TUBGCP2: variants seen among roughly 807,000 people sequenced by gnomAD.
The protein encoded by TUBGCP2 is tubulin gamma complex component 2, also known as gamma-tubulin complex component 2.
Under a neutral mutation model 92.2 loss-of-function variants are expected in TUBGCP2, and 55 were observed. The ratio of observed to expected loss-of-function variants is 0.60; its 90% CI spans 0.48 to 0.75. TUBGCP2 has a LOEUF of 0.75. Ranked by LOEUF, TUBGCP2 falls within the 30% of genes least tolerant of loss-of-function variation. The pLI, the probability that TUBGCP2 is intolerant of heterozygous loss-of-function variation, is 0.00. For synonymous variants in TUBGCP2, 533 were observed against 505.2 expected (o/e 1.06, Z -0.74); for missense variants, 1,093 against 1,188.9 (o/e 0.92, Z 1.19).
At position 133,288,318 on chromosome 10, in the gene TUBGCP2, G is replaced by A. The variant is rs1847184424; in HGVS notation, c.1542-9C>T. The A allele has an allele frequency of 6.2e-7, 1 of 1,612,390 alleles. No homozygotes were observed. The highest frequency in any genetic ancestry group is 1.1e-5 in the South Asian group (1 of 91,016). On this transcript the variant is annotated splice_polypyrimidine_tract_variant and intron_variant, in intron 10 of 17. Coordinates refer to ENST00000252936, the MANE Select transcript of TUBGCP2 (RefSeq NM_006659.4). ...AGTAGCGCTTGATGGACCTGCGCCA[G>A]GGAGCAGGCGTGAGCAGGTGCCCAC...
At chr10:133,296,540 C>T (rs1000047859) in intron 5 of TUBGCP2, among the ~76,000 whole-genome samples, 14 of 151,938 alleles carry the variant, frequency 9.2e-5, no homozygotes, top group African/African-American at 3.1e-4. Context: ...TGCAGTGGCA[C>T]GATCACAGCT....
rs72864786 is a variant in TUBGCP2 at position 133,283,018 on chromosome 10, C to T, written c.2289+60G>A. The T allele has an allele frequency of 8.6e-3, 13,768 of 1,598,560 alleles. 93 individuals carry two copies. Among genetic ancestry groups the T allele is most frequent in the Non-Finnish European group, 9.4e-3 (10,999 of 1,169,340 alleles). On this transcript the variant is annotated intron_variant, in intron 15 of 17. Coordinates refer to ENST00000252936, the MANE Select transcript of TUBGCP2 (RefSeq NM_006659.4). ...TGAGCAGGCTGCGTGCGGCCACGGT[C>T]GGGACATGGTCTGCCCACCCGCGCC...
rs150486916 is a variant in TUBGCP2, at chr10:133,299,657, A to AG, written c.280-55dup. On this transcript the variant is annotated intron_variant, in intron 3 of 17. Coordinates refer to ENST00000252936, the MANE Select transcript of TUBGCP2 (RefSeq NM_006659.4). ...ACTGGGCCAGCACCTCTTTGGCCAT[A>AG]GGGGGAGAGTAGGGACGACACCACC... is the stretch of plus-strand genomic sequence containing the variant. 4.1e-3 allele frequency: 6,062 copies of AG among 1,481,144 alleles called. 32 individuals carry two copies. Among genetic ancestry groups the AG allele is most frequent in the Middle Eastern group, 0.024 (131 of 5,554 alleles). The allele number at this position is 1,481,144 out of a possible 1,614,324, so 91.8% of individuals were successfully genotyped here.
intron 9 of TUBGCP2, 82 bp from the exon 10 acceptor site, chr10:133,289,102 T>C: frequency 6.7e-7 from 1 of 1,483,228 alleles, no homozygotes; most frequent in Non-Finnish European, 9.1e-7. Flanking sequence ...CAGGAGGCAG[T>C]GGAATGGACA....
rs1024603697 is a variant in TUBGCP2, at chr10:133,293,745, T to A, written c.641A>T (p.Glu214Val). 6.3e-6 allele frequency: 10 copies of A among 1,596,162 alleles called. No homozygotes were observed. Among genetic ancestry groups the A allele is most frequent in the Non-Finnish European group, 8.5e-6 (10 of 1,172,508 alleles). The change falls in exon 6 of 18, where the codon GAG (glutamate) becomes GTG (valine). Residue 214 changes from glutamate (E) to valine (V), a missense_variant. Coordinates refer to ENST00000252936, the MANE Select transcript of TUBGCP2 (RefSeq NM_006659.4). ...CAGCAGGTCCTCCACCACGGCCGAC[T>A]CCTGCGAGGCCAGGGGCAACGTGCC... ...PIGTLPLASQ[E>V]SAVVEDLLYV...
At position 133,292,962 on chromosome 10, in the gene TUBGCP2, A is replaced by T. The variant is rs1847396002; in HGVS notation, c.1024+77T>A. On this transcript the variant is annotated intron_variant, in intron 7 of 17. Transcript: ENST00000252936. ...GGCAGCTGCTCCACGGCCCCTGCAG[A>T]GTCTCTCCTCACACTGGGTGCCATG... 4.0e-6 allele frequency: 6 copies of T among 1,508,772 alleles called. No individual in the cohort carries two copies. The South Asian group carries it at 7.1e-5, about 18-fold the overall frequency. 93.5% of individuals were successfully genotyped at this position (1,508,772 alleles called of 1,614,324 possible).
intron 17 of TUBGCP2, among the ~76,000 whole-genome samples, chr10:133,280,812 T>TGAGGAAGGGCTGAGCC (rs1846948170): frequency 6.8e-6 from 1 of 148,074 alleles, no homozygotes; most frequent in Non-Finnish European, 1.5e-5. Context: ...TGGGCTGAGC[T>TGAGGAAGGGCTGAGCC]GAGGAAGGGC....
chr10:133,289,572 G>A (rs571622319), intron 9 of TUBGCP2, among the ~76,000 whole-genome samples: 80 of 152,282 alleles, frequency 5.3e-4, no homozygotes, highest in South Asian at 1.9e-3. Context: ...AGAGAGCCTC[G>A]CAGGGTCAGG....
chr10:133,309,996 G>A (rs995625127), upstream of TUBGCP2: 6 of 1,611,620 alleles, frequency 3.7e-6, no homozygotes, highest in African/African-American at 5.3e-5. Context: ...CAACTGCACA[G>A]CCGCCGAGGC....
chr10:133,293,034 C>G lies in TUBGCP2; in HGVS notation c.1024+5G>C, dbSNP rs772955395. The G allele has an allele frequency of 6.2e-7, 1 of 1,612,248 alleles. No individual in the cohort carries two copies. Among genetic ancestry groups the G allele is most frequent in the South Asian group, 1.1e-5 (1 of 91,022 alleles). ...CTGCCCCATGCCCCCCGGGCGGGCACGCACCGAGGGAGGCCAGGATGTCCA... is the reference window on the plus strand; with the variant it reads ...CTGCCCCATGCCCCCCGGGCGGGCAGGCACCGAGGGAGGCCAGGATGTCCA... On this transcript the variant is annotated splice_donor_5th_base_variant and intron_variant, in intron 7 of 17. Transcript: ENST00000252936.
At chr10:133,291,836 A>G (rs1032673607) in intron 8 of TUBGCP2, among the ~76,000 whole-genome samples, 174 of 3,126 alleles carry the variant, frequency 0.056, 9 homozygotes, top group African/African-American at 0.15. Flanking sequence ...CGTGTCCCCC[A>G]TGTCCCTCCG....
In TUBGCP2 at chr10:133,291,093, C is replaced by G. The variant is rs564372219; in HGVS notation, c.1215-1124G>C. 6.3e-5 allele frequency: 17 copies of G among 269,660 alleles called. 1 individual carries two copies. In the East Asian group the frequency reaches 9.3e-4, roughly 15 times the overall value. 16.7% of individuals were successfully genotyped at this position (269,660 alleles called of 1,614,324 possible). On this transcript the variant is annotated intron_variant, in intron 8 of 17. Coordinates refer to ENST00000252936, the MANE Select transcript of TUBGCP2 (RefSeq NM_006659.4). ...ACCTAATTGGAGGCAATTTAATGTCCTGCACACAAAAGAATAAGGCCATAA... is the reference window on the plus strand; with the variant it reads ...ACCTAATTGGAGGCAATTTAATGTCGTGCACACAAAAGAATAAGGCCATAA...
Position 133,285,200 on chromosome 10 carries a change from G to A in TUBGCP2, c.1909C>T (p.Arg637Cys), listed in dbSNP as rs757783441. The A allele has an allele frequency of 2.2e-5, 35 of 1,612,588 alleles. No individual in the cohort carries two copies. The highest frequency in any genetic ancestry group is 1.3e-4 in the East Asian group (6 of 44,898). ...ATGTGCCTGAAGAGCATCTGGTAGC[G>A]AGTGAGGGCTTTCCTGCAAGAGACG... The part of the protein sequence containing the change: ...SLIINRKALT[R>C]YQMLFRHMFY... Residue 637 changes from arginine to cysteine, a missense_variant, in exon 13 of 18, where the codon CGC (arginine) becomes TGC (cysteine). Arg to Cys is a radical substitution (Grantham distance 180, BLOSUM62 -3). Transcript: ENST00000252936. The surrounding 1 kb of genome is among the most constrained non-coding windows in gnomAD (Gnocchi z 6.8).
chr10:133,304,938 C>T (rs1195055135), intron 1 of TUBGCP2, among the ~76,000 whole-genome samples: 1 of 152,254 alleles, frequency 6.6e-6, no homozygotes, highest in South Asian at 2.1e-4. Flanking sequence ...TGGGAAGATG[C>T]CCCTTGCCAA....
At chr10:133,303,117 C>T (rs1847715588) in intron 1 of TUBGCP2, 137 bp from the exon 2 acceptor site, 1 of 680,758 alleles carries the variant, frequency 1.5e-6, no homozygotes, top group South Asian at 1.9e-5. Context: ...AGGGCCCCTC[C>T]CCCAACAGCC....
At chr10:133,294,327 T>C (rs909995286) in intron 5 of TUBGCP2, among the ~76,000 whole-genome samples, 9 of 152,174 alleles carry the variant, frequency 5.9e-5, no homozygotes, top group African/African-American at 2.2e-4. Flanking sequence ...AGGCGGGCCA[T>C]GCCTGGGGGG....
chr10:133,290,336 A>G (rs1847253125), intron 8 of TUBGCP2: 1 of 190,810 alleles, frequency 5.2e-6, no homozygotes, highest in African/African-American at 2.3e-5. Context: ...CTACTAAAAT[A>G]CAAAAAATCA....
chr10:133,309,216 G>T, upstream of TUBGCP2: 1 of 1,322,712 alleles, frequency 7.6e-7, no homozygotes. Context: ...CGGAGCCTGG[G>T]ACAGGCGGGA....
At position 133,281,444 on chromosome 10, in the gene TUBGCP2, G is replaced by GA. The variant is rs754948394; in HGVS notation, c.2410-9dup. 3 of 1,610,810 alleles carry GA rather than the reference G, an allele frequency of 1.9e-6. No homozygotes were observed. In the South Asian group the frequency reaches 3.3e-5, roughly 18 times the overall value. ...TGCGTGCTCAGCCAGGTGCTGGAAA[G>GA]AAAGCCGGGGTGCGTGAGCCATGCC... On this transcript the variant is annotated splice_polypyrimidine_tract_variant and intron_variant, in intron 16 of 17. Transcript: ENST00000252936.
Sources: allele counts gnomAD v4.1 joint callset (sites outside exome capture counted in the v4.1 genomes callset), GRCh38; gene constraint gnomAD v4.1.1; non-coding constraint Gnocchi (gnomAD v3.1); transcripts MANE v1.5; gene names NCBI Gene and HGNC (gene_info 2026-07-23, HGNC 2026-07-21).